Variants in PKHD1 observed in about 807,000 individuals in gnomAD.
The protein encoded by PKHD1 is PKHD1 ciliary IPT domain containing fibrocystin/polyductin.
Under a neutral mutation model 412.0 loss-of-function variants are expected in PKHD1, and 291 were observed. That is an observed-to-expected ratio of 0.71 (90% CI 0.64 to 0.78). The LOEUF is 0.78. Ranked by LOEUF, PKHD1 falls within the 30% of genes least tolerant of loss-of-function variation. The probability of loss-of-function intolerance (pLI) is 0.00; values close to 1 mark genes in which losing one functional copy is unlikely to be tolerated. For missense variants in PKHD1, 4,825 were observed against 4,950.7 expected (o/e 0.97, Z 0.76); for synonymous variants, 1,777 against 1,821.5 (o/e 0.98, Z 0.62).
At chr6:51,899,192 A>T (rs1212826667) in intron 43 of PKHD1, among the ~76,000 whole-genome samples, 1 of 152,048 alleles carries the variant, frequency 6.6e-6, no homozygotes, top group East Asian at 1.9e-4. Context: ...CTGATACCTA[A>T]GCCGGGCAGA....
intron 34 of PKHD1, among the ~76,000 whole-genome samples, chr6:52,015,810 C>T (rs1158349852): frequency 6.6e-6 from 1 of 151,026 alleles, no homozygotes; most frequent in East Asian, 1.9e-4. Context: ...GGCAACAGAG[C>T]AAGACTCAGT....
intron 40 of PKHD1, among the ~76,000 whole-genome samples, chr6:51,907,663 T>A (rs1190320263): frequency 6.6e-6 from 1 of 152,160 alleles, no homozygotes; most frequent in African/African-American, 2.4e-5. Context: ...TTAAATTTTT[T>A]AAAAAGTACT....
chr6:51,748,664 A>T lies in PKHD1; in HGVS notation c.8952T>A (p.Gly2984=). ...FRKSSREEFS[G]VLQLLNVEIQ... ...TTTCCACATTAAGAAGTTGAAGGACACCTATAAACAAATGCATGTCATCAG... is the reference window on the plus strand; with the variant it reads ...TTTCCACATTAAGAAGTTGAAGGACTCCTATAAACAAATGCATGTCATCAG... The change falls in exon 58 of 67, where the codon GGT becomes GGA. Residue 2984 remains glycine (G), a splice_region_variant and synonymous_variant. Coordinates refer to ENST00000371117, the MANE Select transcript of PKHD1 (RefSeq NM_138694.4). 6.2e-7 allele frequency: 1 copy of T among 1,613,498 alleles called. No homozygotes were observed. Among genetic ancestry groups the T allele is most frequent in the Non-Finnish European group, 8.5e-7 (1 of 1,179,610 alleles).
In PKHD1 at chr6:52,026,115, A is replaced by C. The variant is rs1802146755; in HGVS notation, c.3695T>G (p.Val1232Gly). 6.2e-7 allele frequency: 1 copy of C among 1,614,060 alleles called. No individual in the cohort carries two copies. The highest frequency in any genetic ancestry group is 1.7e-5 in the Admixed American group (1 of 60,004). Reference protein sequence around the residue: ...SRDPALVWVLVGNRSCDIVNL... With the variant: ...SRDPALVWVLGGNRSCDIVNL... ...CACAATGTCACAGGACCGATTGCCC[A>C]CAAGTACCCAAACCAAAGCTGGGTC... The change falls in exon 32 of 67, where the codon GTG becomes GGG. Residue 1232 changes from valine to glycine, a missense_variant. Val to Gly is a moderately radical substitution (Grantham distance 109). Transcript: ENST00000371117.
chr6:52,032,949 A>C (rs1803292448), intron 29 of PKHD1, 81 bp downstream of exon 29: 2 of 1,277,342 alleles, frequency 1.6e-6, no homozygotes, highest in East Asian at 2.3e-5. Context: ...AAATACAATA[A>C]ATTTCAGAGG....
At chr6:51,886,898 A>G (rs1419059125) in intron 44 of PKHD1, among the ~76,000 whole-genome samples, 1 of 152,190 alleles carries the variant, frequency 6.6e-6, no homozygotes, top group Admixed American at 6.5e-5. Flanking sequence ...TGTGACACAG[A>G]TGGTGATGAT....
intron 60 of PKHD1, among the ~76,000 whole-genome samples, chr6:51,676,266 T>G (rs1217618325): frequency 6.7e-6 from 1 of 150,282 alleles, no homozygotes; most frequent in Non-Finnish European, 1.5e-5. Context: ...AAAAAAAACT[T>G]CTATTCTTTA....
At chr6:51,711,041 G>C (rs1276535066) in intron 60 of PKHD1, among the ~76,000 whole-genome samples, 2 of 152,200 alleles carry the variant, frequency 1.3e-5, no homozygotes, top group Non-Finnish European at 2.9e-5. Flanking sequence ...GAAGCTAACA[G>C]TGTCCTGCCT....
At chr6:51,839,311 T>C (rs556522589) in intron 50 of PKHD1, among the ~76,000 whole-genome samples, 1 of 152,360 alleles carries the variant, frequency 6.6e-6, no homozygotes, top group South Asian at 2.1e-4. Flanking sequence ...TTTGTATTTG[T>C]AATATGAGAA....
chr6:51,707,429 T>C (rs9474057), intron 60 of PKHD1, among the ~76,000 whole-genome samples: 10 of 152,084 alleles, frequency 6.6e-5, no homozygotes, highest in Admixed American at 3.9e-4. Context: ...CTTCCACCTG[T>C]GCTCTGAAAC....
At chr6:51,889,227 G>A (rs1778726549) in intron 43 of PKHD1, among the ~76,000 whole-genome samples, 1 of 152,082 alleles carries the variant, frequency 6.6e-6, no homozygotes, top group Non-Finnish European at 1.5e-5. Context: ...GGCTTGGAGA[G>A]CTCATCCTGA....
In PKHD1 at chr6:52,040,007, G is replaced by T. The variant is rs2499474; in HGVS notation, c.3097+2852C>A. On this transcript the variant is annotated intron_variant, in intron 27 of 66. Transcript: ENST00000371117. ...CCAAGTAGAGAAGCCAGATGTAAAA[G>T]GTCACATGTTGCATTATTTTATTTA... Among the ~76,000 whole-genome samples, 1,504 of 152,144 alleles carry T rather than the reference G, an allele frequency of 9.9e-3. 33 individuals carry two copies. The highest frequency in any genetic ancestry group is 0.033 in the African/African-American group (1,384 of 41,490).
chr6:51,625,694 C>A (rs990973979), intron 66 of PKHD1, among the ~76,000 whole-genome samples: 1 of 152,072 alleles, frequency 6.6e-6, no homozygotes, highest in African/African-American at 2.4e-5. Context: ...TTTAAGCGGG[C>A]CACTGAAATG....
chr6:51,764,809 T>C (rs1236560557), intron 55 of PKHD1, among the ~76,000 whole-genome samples: 1 of 152,044 alleles, frequency 6.6e-6, no homozygotes, highest in Non-Finnish European at 1.5e-5. Context: ...CAGACCCTCA[T>C]GTTCTCCATT....
intron 60 of PKHD1, among the ~76,000 whole-genome samples, chr6:51,704,959 G>A (rs1317746229): frequency 6.6e-6 from 1 of 152,022 alleles, no homozygotes; most frequent in Non-Finnish European, 1.5e-5. Flanking sequence ...GATTCAGAGG[G>A]AGAATATGAA....
chr6:51,763,913 A>T (rs991925634), intron 55 of PKHD1, among the ~76,000 whole-genome samples: 5 of 151,348 alleles, frequency 3.3e-5, no homozygotes, highest in Non-Finnish European at 7.4e-5. Context: ...AACCTACAAC[A>T]GCTTCACAAT....
In PKHD1 at chr6:51,716,962, A is replaced by C. The variant is rs559750725; in HGVS notation, c.10156+27423T>G. On this transcript the variant is annotated intron_variant, in intron 60 of 66. Coordinates refer to ENST00000371117, the MANE Select transcript of PKHD1 (RefSeq NM_138694.4). ...CCCTTGACACTAATCCTGGTAGTCC[A>C]AGGCCATGGTTCTTCCAGCTCCTTC... Among the ~76,000 whole-genome samples the C allele has an allele frequency of 8.5e-5, 13 of 152,270 alleles. No individual in the cohort carries two copies. In the East Asian group the frequency reaches 2.5e-3, roughly 30 times the overall value.
At chr6:52,041,182 T>C (rs1471786239) in intron 27 of PKHD1, among the ~76,000 whole-genome samples, 2 of 152,260 alleles carry the variant, frequency 1.3e-5, no homozygotes, top group Admixed American at 1.3e-4. Context: ...TGGTGATTTA[T>C]CACATTATTG....
chr6:51,659,974 A>T lies in PKHD1; in HGVS notation c.10157-5T>A. On this transcript the variant is annotated splice_region_variant and splice_polypyrimidine_tract_variant and intron_variant, in intron 60 of 66. Transcript: ENST00000371117. ...TCTGTTCTTCTCTAAATGTACCTAT[A>T]AAAGAAAAGAAGCAAAACAAGTGAT... The T allele has an allele frequency of 6.4e-7, 1 of 1,565,962 alleles. No individual in the cohort carries two copies. Among genetic ancestry groups the T allele is most frequent in the Non-Finnish European group, 8.8e-7 (1 of 1,137,398 alleles).
Sources: gnomAD v4.1 joint callset for allele counts (sites outside exome capture counted in the v4.1 genomes callset) on GRCh38, gnomAD v4.1.1 for gene constraint, MANE v1.5 for transcripts, NCBI Gene and HGNC (gene_info 2026-07-23, HGNC 2026-07-21) for gene names.